NSD1: variants seen among roughly 807,000 people sequenced by gnomAD.
The protein encoded by NSD1 is histone-lysine N-methyltransferase, H3 lysine-36 specific.
A neutral mutation model predicts 242.7 loss-of-function variants in NSD1; 26 were observed. The observed-to-expected ratio is 0.11, with a 90% CI of 0.08 to 0.15. The LOEUF is 0.15. Ranked by LOEUF, NSD1 falls within the 10% of genes least tolerant of loss-of-function variation. The pLI is 1.00. For synonymous variants in NSD1, 1,106 were observed against 1,178.1 expected (o/e 0.94, Z 1.25); for missense variants, 2,495 against 3,272.8 (o/e 0.76, Z 5.80).
intron 14 of NSD1, among the ~76,000 whole-genome samples, chr5:177,264,051 T>TTTTTTTTTTC (rs1562273769): frequency 1.1e-4 from 13 of 116,304 alleles, no homozygotes; most frequent in African/African-American, 4.0e-4. Flanking sequence ...TTTTTTTTTT[T>TTTTTTTTTTC]TTTGAGATGG....
chr5:177,265,743 G>A (rs1424965683), intron 14 of NSD1: 2 of 1,550,474 alleles, frequency 1.3e-6, no homozygotes, highest in Non-Finnish European at 1.8e-6. Flanking sequence ...AACACCGTCT[G>A]CTTCCAGTGC....
chr5:177,179,435 G>C (rs778559571), intron 2 of NSD1, among the ~76,000 whole-genome samples: 1 of 152,142 alleles, frequency 6.6e-6, no homozygotes, highest in Non-Finnish European at 1.5e-5. Context: ...GACTGGTCTC[G>C]AACTCCTGAC....
chr5:177,169,760 C>G (rs948334991), intron 2 of NSD1: 1 of 151,958 alleles, frequency 6.6e-6, no homozygotes, highest in African/African-American at 2.4e-5. Context: ...AAGAAAGTGC[C>G]CATTAAAATG....
intron 2 of NSD1, among the ~76,000 whole-genome samples, chr5:177,180,886 T>G (rs1760607252): frequency 6.6e-6 from 1 of 150,668 alleles, no homozygotes; most frequent in South Asian, 2.1e-4. Flanking sequence ...TTTTGCCTTG[T>G]TATCCAGGCT....
chr5:177,219,373 G>A (rs1163718098), intron 5 of NSD1, among the ~76,000 whole-genome samples: 1 of 151,880 alleles, frequency 6.6e-6, no homozygotes, highest in Non-Finnish European at 1.5e-5. Context: ...TTTTAGTAGA[G>A]ACGGGGTTTC....
intron 2 of NSD1, among the ~76,000 whole-genome samples, chr5:177,170,354 T>TAATTTTTTTTTTTA (rs1759588468): frequency 6.6e-6 from 1 of 151,360 alleles, no homozygotes; most frequent in South Asian, 2.1e-4. Flanking sequence ...TGATTTTATT[T>TAATTTTTTTTTTTA]AATTTTTTTT....
At chr5:177,191,734 A>T in intron 2 of NSD1, 150 bp from the exon 3 acceptor site, 1 of 748,824 alleles carries the variant, frequency 1.3e-6, no homozygotes, top group Non-Finnish European at 2.3e-6. Context: ...GGAATAATTT[A>T]GTTGTACTTA....
In NSD1 at chr5:177,286,250, C is replaced by T. The variant is rs562216644; in HGVS notation, c.6151+2322C>T. ...ATGTGTTGTCCAGGAGTCTTTCAGA[C>T]TTTTTAGGTTGTGACAATTTTTAGA... On this transcript the variant is annotated intron_variant, in intron 20 of 22. Coordinates refer to ENST00000439151, the MANE Select transcript of NSD1 (RefSeq NM_022455.5). Among the ~76,000 whole-genome samples the T allele has an allele frequency of 5.3e-5, 8 of 152,226 alleles. No homozygotes were observed. The South Asian group carries it at 1.7e-3, about 32-fold the overall frequency.
At chr5:177,215,715 A>G (rs1448865561) in intron 5 of NSD1, among the ~76,000 whole-genome samples, 1 of 151,434 alleles carries the variant, frequency 6.6e-6, no homozygotes, top group African/African-American at 2.4e-5. Flanking sequence ...CTGGTCTCAA[A>G]TTCCTGACCT....
rs1023758069 is a variant in NSD1, at chr5:177,210,819, A to G, written c.2420A>G (p.Asn807Ser). The G allele has an allele frequency of 6.2e-7, 1 of 1,614,072 alleles. No individual in the cohort carries two copies. The highest frequency in any genetic ancestry group is 8.5e-7 in the Non-Finnish European group (1 of 1,180,038). Residue 807 changes from asparagine to serine, a missense_variant, in exon 5 of 23, where the codon AAT (asparagine) becomes AGT (serine). Coordinates refer to ENST00000439151, the MANE Select transcript of NSD1 (RefSeq NM_022455.5). ...NPVMAEPPVI[N>S]EECSLKCCSS... is the part of the protein sequence containing the mutation. ...GTTATGGCAGAACCCCCAGTTATAAATGAGGAGTGCAGTTTGAAATGCTGC... is the reference window on the plus strand; with the variant it reads ...GTTATGGCAGAACCCCCAGTTATAAGTGAGGAGTGCAGTTTGAAATGCTGC...
At chr5:177,234,541 A>G (rs1765297418) in intron 5 of NSD1, among the ~76,000 whole-genome samples, 1 of 152,142 alleles carries the variant, frequency 6.6e-6, no homozygotes. Context: ...ACCCGGTGAA[A>G]TGCTGTCTGT....
In NSD1 at chr5:177,292,338, T is replaced by C. The variant is rs150087275; in HGVS notation, c.6463+180T>C. ...AGCAAAGGCTTAGAATTCTTAGTTA[T>C]GAAGAATGGGACAGCGGTGCACTTG... is the stretch of plus-strand genomic sequence containing the variant. On this transcript the variant is annotated intron_variant, in intron 22 of 22. Transcript: ENST00000439151. 1.9e-3 allele frequency among the ~76,000 whole-genome samples: 297 copies of C among 152,366 alleles called. 1 individual carries two copies. The highest frequency in any genetic ancestry group is 6.9e-3 in the African/African-American group (285 of 41,594).
At chr5:177,247,615 A>C (rs1444158067) in intron 10 of NSD1, among the ~76,000 whole-genome samples, 1 of 152,068 alleles carries the variant, frequency 6.6e-6, no homozygotes, top group Admixed American at 6.6e-5. Context: ...GGGAAGATTT[A>C]CTTGCTTATT....
chr5:177,166,981 A>G (rs1176834270), intron 2 of NSD1, among the ~76,000 whole-genome samples: 1 of 151,442 alleles, frequency 6.6e-6, no homozygotes, highest in Non-Finnish European at 1.5e-5. Context: ...CCTGACCTCA[A>G]GTGATCTGCC....
At position 177,264,882 on chromosome 5, in the gene NSD1, T is replaced by G. The variant is rs1757293126; in HGVS notation, c.5147-2680T>G. 2.5e-5 allele frequency: 19 copies of G among 768,714 alleles called. No individual in the cohort carries two copies. In the Admixed American group the frequency reaches 3.2e-4, roughly 13 times the overall value. The allele number at this position is 768,714 out of a possible 1,614,324, so 47.6% of individuals were successfully genotyped here. A position where few individuals can be genotyped will look rare whatever the true frequency, so the allele number is the denominator to read the frequency against. On this transcript the variant is annotated intron_variant, in intron 14 of 22. Coordinates refer to ENST00000439151, the MANE Select transcript of NSD1 (RefSeq NM_022455.5). ...TGCGAATCTATAAGAAAGGTGATAT[T>G]GTAGACATCAAAGGAATGGGTACTC...
chr5:177,197,718 G>A (rs549091661), intron 3 of NSD1, among the ~76,000 whole-genome samples: 4 of 152,344 alleles, frequency 2.6e-5, no homozygotes, highest in African/African-American at 9.6e-5. Context: ...TGTATCACAG[G>A]TAACTGAAAC....
At chr5:177,163,582 A>G (rs998640584) in intron 2 of NSD1, among the ~76,000 whole-genome samples, 5 of 152,172 alleles carry the variant, frequency 3.3e-5, no homozygotes, top group Non-Finnish European at 5.9e-5. Context: ...TTTTTAATCT[A>G]TAAGGTGTTT....
At chr5:177,195,297 A>G (rs891799098) in intron 3 of NSD1, among the ~76,000 whole-genome samples, 5 of 152,150 alleles carry the variant, frequency 3.3e-5, no homozygotes, top group African/African-American at 7.2e-5. Flanking sequence ...AGCCTTGGCA[A>G]TACAATGAGA....
chr5:177,219,559 A>C (rs1470799602), intron 5 of NSD1, among the ~76,000 whole-genome samples: 1 of 152,072 alleles, frequency 6.6e-6, no homozygotes, highest in Non-Finnish European at 1.5e-5. Flanking sequence ...TTTGTTGTTT[A>C]ATTTCCACCT....
Sources: allele counts gnomAD v4.1 joint callset (sites outside exome capture counted in the v4.1 genomes callset), GRCh38; gene constraint gnomAD v4.1.1; transcripts MANE v1.5; gene names NCBI Gene and HGNC (gene_info 2026-07-23, HGNC 2026-07-21).